Variants in NCAPD3 observed in about 807,000 individuals in gnomAD.
NCAPD3 encodes the protein non-SMC condensin II complex subunit D3.
Under a neutral mutation model 182.9 loss-of-function variants are expected in NCAPD3, and 105 were observed. The ratio of observed to expected loss-of-function variants is 0.57; its 90% CI spans 0.49 to 0.68. NCAPD3 has a LOEUF of 0.68. Among genes scored for constraint, NCAPD3 ranks in the 30% least tolerant of loss-of-function variants. The pLI is 0.00. For missense variants in NCAPD3, 1,944 were observed against 1,837.0 expected (o/e 1.06, Z -1.07); for synonymous variants, 815 against 679.9 (o/e 1.20, Z -3.09).
chr11:134,161,476 A>G (rs1469009328), intron 28 of NCAPD3, among the ~76,000 whole-genome samples: 1 of 152,188 alleles, frequency 6.6e-6, no homozygotes, highest in Non-Finnish European at 1.5e-5. Context: ...ATGAACGAAG[A>G]TGACTGTGTT....
chr11:134,177,842 T>C (rs537484035), intron 22 of NCAPD3: 234 of 167,284 alleles, frequency 1.4e-3, no homozygotes, highest in African/African-American at 4.9e-3. Flanking sequence ...CATGCTGAAT[T>C]TGAAATCTGA....
At chr11:134,158,223 AGACAAT>A (rs1318886820) in intron 30 of NCAPD3, 100 bp downstream of exon 30, 5 of 1,540,026 alleles carry the variant, frequency 3.2e-6, no homozygotes, top group Admixed American at 1.8e-5. Flanking sequence ...GTGGCAGGCC[AGACAAT>A]GACAATGACT....
In NCAPD3 at chr11:134,177,251, G is replaced by A. The variant is rs759095377; in HGVS notation, c.2989C>T (p.Gln997Ter). The A allele has an allele frequency of 5.6e-6, 9 of 1,614,084 alleles. No individual in the cohort carries two copies. The Admixed American group carries it at 1.3e-4, about 24-fold the overall frequency. ...AGATTGGTAAGCAAGATGAGTGTCT[G>A]CTTCCGGATGAATGGGTCGGAATCC... ...LKDSDPFIRK[Q>*]TLILLTNLLQ... The change falls in exon 23 of 35, where the codon CAG becomes TAG. Residue 997 changes from glutamine to a stop codon, truncating the protein, a stop_gained. Transcript: ENST00000534548. LOFTEE classifies it high-confidence loss of function.
Position 134,185,501 on chromosome 11 carries a change from T to C in NCAPD3, c.2071A>G (p.Ile691Val), listed in dbSNP as rs760153379. The change falls in exon 17 of 35, where the codon ATC (isoleucine) becomes GTC (valine). Residue 691 changes from isoleucine to valine, a missense_variant. Ile to Val is a conservative substitution (Grantham distance 29). This residue lies in a region of NCAPD3 where 1,803 missense variants were observed against 1,674.6 expected (regional missense o/e 1.08). Coordinates refer to ENST00000534548, the MANE Select transcript of NCAPD3 (RefSeq NM_015261.3). ...GAGAATTTTTCTTTCTTGGACCAGA[T>C]ATGAAAAGCCTTATTTAAATATCGG... ...LSRYLNKAFHIWSKKEKFSPT... is the reference protein window; with the variant it reads ...LSRYLNKAFHVWSKKEKFSPT... 6.2e-7 allele frequency: 1 copy of C among 1,604,140 alleles called. No homozygotes were observed. Among genetic ancestry groups the C allele is most frequent in the African/African-American group, 1.3e-5 (1 of 74,224 alleles).
At position 134,192,657 on chromosome 11, in the gene NCAPD3, T is replaced by C. The variant is rs77655825; in HGVS notation, c.2045+32A>G. 7,950 of 1,576,258 alleles carry C rather than the reference T, an allele frequency of 5.0e-3. 351 individuals are homozygous for C. The African/African-American group carries it at 0.096, about 19-fold the overall frequency. On this transcript the variant is annotated intron_variant, in intron 16 of 34. Coordinates refer to ENST00000534548, the MANE Select transcript of NCAPD3 (RefSeq NM_015261.3). ...AATACAAAGTCCTACGGCCTTCTTCTATAGGGAACACAGGTCATACAGTTA... is the reference window on the plus strand; with the variant it reads ...AATACAAAGTCCTACGGCCTTCTTCCATAGGGAACACAGGTCATACAGTTA...
intron 32 of NCAPD3, among the ~76,000 whole-genome samples, chr11:134,154,572 C>CCCCTCCTGGGTGGTGCAGCCTCGT: frequency 1.4e-5 from 1 of 69,200 alleles, no homozygotes; most frequent in African/African-American, 5.0e-5. Context: ...TGCAGCCTCG[C>CCCCTCCTGGGTGGTGCAGCCTCGT]CCCTCCTGGG....
At chr11:134,192,520 A>G (rs954917927) in intron 16 of NCAPD3, among the ~76,000 whole-genome samples, 169 bp downstream of exon 16, 1 of 152,392 alleles carries the variant, frequency 6.6e-6, no homozygotes, top group East Asian at 1.9e-4. Flanking sequence ...GGCGATAAAA[A>G]TATCTAAGAG....
rs142170616 is a variant in NCAPD3 at position 134,151,795 on chromosome 11, G to C, written c.*1149C>G. On this transcript the variant is annotated 3_prime_UTR_variant, in exon 35 of 35. Coordinates refer to ENST00000534548, the MANE Select transcript of NCAPD3 (RefSeq NM_015261.3). Reference sequence around the variant, plus strand: ...TGTTATTTGCTCTTACGTTGGGTTTGTCTCTTCTTCCTAGCATTTCAGTGG... The same window carrying C: ...TGTTATTTGCTCTTACGTTGGGTTTCTCTCTTCTTCCTAGCATTTCAGTGG... 3 of 152,266 alleles carry C rather than the reference G, an allele frequency of 2.0e-5. No homozygotes were observed. In the East Asian group the frequency reaches 5.8e-4, roughly 29 times the overall value. 9.4% of individuals were successfully genotyped at this position (152,266 alleles called of 1,614,324 possible).
In NCAPD3 at chr11:134,180,382, T is replaced by C. The variant is rs74316852; in HGVS notation, c.2559+695A>G. 4.2e-3 allele frequency among the ~76,000 whole-genome samples: 642 copies of C among 152,276 alleles called. 4 individuals carry two copies. The highest frequency in any genetic ancestry group is 0.015 in the African/African-American group (615 of 41,560). ...ATGGCCCGTTTTGGTTAAATAATGA[T>C]CTGTGCTGAATGGCATCAAAAAGCA... On this transcript the variant is annotated intron_variant, in intron 20 of 34. Coordinates refer to ENST00000534548, the MANE Select transcript of NCAPD3 (RefSeq NM_015261.3).
intron 19 of NCAPD3, 48 bp from the exon 20 acceptor site, chr11:134,181,232 G>T: frequency 8.1e-7 from 1 of 1,238,274 alleles, no homozygotes; most frequent in South Asian, 1.2e-5. Flanking sequence ...ACATCTCCCA[G>T]ACTACCCATG....
At chr11:134,160,241 G>A (rs1162615085) in intron 28 of NCAPD3, among the ~76,000 whole-genome samples, 167 bp from the exon 29 acceptor site, 2 of 152,112 alleles carry the variant, frequency 1.3e-5, no homozygotes, top group Non-Finnish European at 2.9e-5. Context: ...AAGTCATGTT[G>A]CTTGATAAAT....
At chr11:134,187,155 C>G (rs1255722563) in intron 16 of NCAPD3, among the ~76,000 whole-genome samples, 2 of 152,100 alleles carry the variant, frequency 1.3e-5, no homozygotes, top group African/African-American at 4.8e-5. Context: ...ACCCAACACA[C>G]TAACTTCTAT....
At chr11:134,165,223 G>A (rs574744622) in intron 27 of NCAPD3, among the ~76,000 whole-genome samples, 2 of 150,372 alleles carry the variant, frequency 1.3e-5, no homozygotes, top group Admixed American at 1.3e-4. Flanking sequence ...TGTGAGATGA[G>A]CTTAGGGGAG....
At chr11:134,156,455 T>A (rs1943421208) in intron 32 of NCAPD3, among the ~76,000 whole-genome samples, 1 of 152,166 alleles carries the variant, frequency 6.6e-6, no homozygotes, top group Non-Finnish European at 1.5e-5. Context: ...AATATGAAGC[T>A]ATCACACAAG....
chr11:134,166,902 G>C (rs79794694), intron 27 of NCAPD3, among the ~76,000 whole-genome samples: 14 of 135,254 alleles, frequency 1.0e-4, no homozygotes, highest in South Asian at 7.7e-4. Flanking sequence ...AGATGAGCTT[G>C]GGGGAGGCGC....
In NCAPD3 at chr11:134,208,714, T is replaced by C. The variant is rs552974683; in HGVS notation, c.882+150A>G. The C allele has an allele frequency of 5.7e-5, 36 of 632,204 alleles. No individual in the cohort carries two copies. In the African/African-American group the frequency reaches 6.1e-4, roughly 11 times the overall value. The allele number at this position is 632,204 out of a possible 1,614,324, so 39.2% of individuals were successfully genotyped here. A position where few individuals can be genotyped will look rare whatever the true frequency, so the allele number is the denominator to read the frequency against. On this transcript the variant is annotated intron_variant, in intron 7 of 34. Coordinates refer to ENST00000534548, the MANE Select transcript of NCAPD3 (RefSeq NM_015261.3). ...AACAGAGAGCAAATAGAAATAGTGA[T>C]ACTTTTTATTATGCAAATAATATAA...
rs116977910 is a variant in NCAPD3 at position 134,219,934 on chromosome 11, T to A, written c.219+638A>T. Among the ~76,000 whole-genome samples the A allele has an allele frequency of 8.5e-3, 1,288 of 152,204 alleles. 14 individuals are homozygous for A. Among genetic ancestry groups the A allele is most frequent in the Admixed American group, 0.028 (423 of 15,286 alleles). On this transcript the variant is annotated intron_variant, in intron 2 of 34. Transcript: ENST00000534548. ...CCCCAGCCTCTCGAGTAGCTGGGATTACAGAAGCCCGCCACCACAACCGGC... is the reference window on the plus strand; with the variant it reads ...CCCCAGCCTCTCGAGTAGCTGGGATAACAGAAGCCCGCCACCACAACCGGC...
chr11:134,185,628 G>T, intron 16 of NCAPD3, 102 bp from the exon 17 acceptor site: 1 of 910,314 alleles, frequency 1.1e-6, no homozygotes, highest in Non-Finnish European at 1.6e-6. Context: ...GCTGCTCCAG[G>T]ACTCAAGTGG....
intron 13 of NCAPD3, among the ~76,000 whole-genome samples, chr11:134,201,786 G>A (rs1944754830): frequency 6.6e-6 from 1 of 152,168 alleles, no homozygotes; most frequent in Non-Finnish European, 1.5e-5. Flanking sequence ...CAAACATTCA[G>A]CATTTTTCCA....
Sources: gnomAD v4.1 joint callset for allele counts (sites outside exome capture counted in the v4.1 genomes callset) on GRCh38, gnomAD v4.1.1 for gene constraint, gnomAD v4.1.1 regional missense constraint, MANE v1.5 for transcripts, NCBI Gene and HGNC (gene_info 2026-07-23, HGNC 2026-07-21) for gene names.